SH2B3: variants seen among roughly 807,000 people sequenced by gnomAD.
SH2B3 encodes the protein SH2B adapter protein 3.
A neutral mutation model predicts 51.9 loss-of-function variants in SH2B3; 43 were observed. The observed-to-expected ratio is 0.83, with a 90% CI of 0.65 to 1.07. SH2B3 has a LOEUF of 1.07. Among genes scored for constraint, SH2B3 ranks in the 50% least tolerant of loss-of-function variants. The pLI is 0.00. For synonymous variants in SH2B3, 396 were observed against 376.0 expected, an observed-to-expected ratio of 1.05 and a Z score of -0.62; for missense variants, 952 against 834.3, an observed-to-expected ratio of 1.14 and a Z score of -1.74.
At position 111,449,561 on chromosome 12, in the gene SH2B3, C is replaced by T. The variant is rs563680575; in HGVS notation, c.*1259C>T. On this transcript the variant is annotated 3_prime_UTR_variant, in exon 8 of 8. Transcript: ENST00000341259. The stretch of plus-strand genomic sequence containing the variant: ...CCAGGGAGGTCCTGAAGTCAAATCT[C>T]TATCTATACAAGTGATACAATTCAT... The T allele has an allele frequency of 1.2e-4, 18 of 152,386 alleles. No homozygotes were observed. The highest frequency in any genetic ancestry group is 2.3e-4 in the Non-Finnish European group (16 of 68,100). The allele number at this position is 152,386 out of a possible 1,614,324, so 9.4% of individuals were successfully genotyped here.
rs1565970517 is a variant in SH2B3, at chr12:111,418,710, C to T, written c.565C>T (p.Arg189Trp). 1 of 1,485,240 alleles carries T rather than the reference C, an allele frequency of 6.7e-7. No homozygotes were observed. The highest frequency in any genetic ancestry group is 1.5e-5 in the African/African-American group (1 of 67,966). The allele number at this position is 1,485,240 out of a possible 1,614,324, so 92.0% of individuals were successfully genotyped here. A position where few individuals can be genotyped will look rare whatever the true frequency, so the allele number is the denominator to read the frequency against. ...AKKFLPWSLAREPPPEALKEA... is the reference protein window; with the variant it reads ...AKKFLPWSLAWEPPPEALKEA... ...GAAGTTCCTGCCCTGGAGCCTGGCCCGGGAGCCGCCACCCGAGGCGCTGAA... is the reference window on the plus strand; with the variant it reads ...GAAGTTCCTGCCCTGGAGCCTGGCCTGGGAGCCGCCACCCGAGGCGCTGAA... Residue 189 changes from arginine (R) to tryptophan (W), a missense_variant, in exon 2 of 8, where the codon CGG becomes TGG. Transcript: ENST00000341259. This position sits in a 1 kb window ranked among gnomAD's most constrained non-coding sequence, Gnocchi z 6.7.
chr12:111,418,638 AC>A lies in SH2B3; in HGVS notation c.498del (p.Gly167GlufsTer30), dbSNP rs1172763426. ...GGCCCACACCGCTGCCGCCCCCGGGACCCCCGGAGAGGCTGCTGAGACCCCC... is the reference window on the plus strand; with the variant it reads ...GGCCCACACCGCTGCCGCCCCCGGGACCCCGGAGAGGCTGCTGAGACCCCC... ...PAAHTAAAPG[T>X]PGEAAETPAR... On this transcript the variant is annotated frameshift_variant, in exon 2 of 8. Transcript: ENST00000341259. LOFTEE classifies it high-confidence loss of function. This position sits in a 1 kb window ranked among gnomAD's most constrained non-coding sequence, Gnocchi z 6.7. 4 of 1,470,888 alleles carry A rather than the reference AC, an allele frequency of 2.7e-6. No homozygotes were observed. Among genetic ancestry groups the A allele is most frequent in the Admixed American group, 4.8e-5 (2 of 41,584 alleles). 91.1% of individuals were successfully genotyped at this position (1,470,888 alleles called of 1,614,324 possible).
chr12:111,434,813 T>C, intron 2 of SH2B3: 1 of 1,508,940 alleles, frequency 6.6e-7, no homozygotes, highest in Non-Finnish European at 8.9e-7. Context: ...AGAGGCTGTG[T>C]GTCAAGGCCT....
chr12:111,447,082 CCT>C (rs1172875261), intron 4 of SH2B3, 41 bp from the exon 5 acceptor site: 1 of 1,608,674 alleles, frequency 6.2e-7, no homozygotes, highest in Non-Finnish European at 8.5e-7. Flanking sequence ...TGCTACCACC[CCT>C]GACCTGCCCA....
intron 1 of SH2B3, among the ~76,000 whole-genome samples, chr12:111,411,175 G>A (rs137877985): frequency 0.015 from 2,194 of 150,776 alleles, 59 homozygotes; most frequent in African/African-American, 0.052. Flanking sequence ...AAACCAGCCT[G>A]GGCAGCATAG....
At chr12:111,434,893 CAGA>C (rs1408252083) in intron 2 of SH2B3, 1 of 1,535,676 alleles carries the variant, frequency 6.5e-7, no homozygotes, top group South Asian at 1.2e-5. Flanking sequence ...GGGTGGAGCT[CAGA>C]AGGACATGGG....
At chr12:111,413,332 C>T (rs571606043) in intron 1 of SH2B3, among the ~76,000 whole-genome samples, 75 of 152,284 alleles carry the variant, frequency 4.9e-4, no homozygotes, top group Admixed American at 1.5e-3. Flanking sequence ...CCCAGGAGTT[C>T]GAGGCAGCAG....
intron 1 of SH2B3, among the ~76,000 whole-genome samples, chr12:111,411,193 C>G (rs1870667081): frequency 7.1e-6 from 1 of 141,230 alleles, no homozygotes; most frequent in Non-Finnish European, 1.5e-5. Context: ...TAGTGAGACC[C>G]TGTCTCTACC....
chr12:111,407,031 C>CCCCTTCCCT lies in SH2B3; in HGVS notation c.-28+768_-28+776dup, dbSNP rs1037305272. Among the ~76,000 whole-genome samples the CCCCTTCCCT allele has an allele frequency of 6.6e-6, 1 of 152,178 alleles. No homozygotes were observed. Among genetic ancestry groups the CCCCTTCCCT allele is most frequent in the Non-Finnish European group, 1.5e-5 (1 of 68,030 alleles). The stretch of plus-strand genomic sequence containing the variant: ...GGTCTCTGATGCCTGGTGCAGAAAT[C>CCCCTTCCCT]CCCTTCCCTCCCTTCCCTCCCTCCG... On this transcript the variant is annotated intron_variant, in intron 1 of 7. Transcript: ENST00000341259. This position sits in a 1 kb window ranked among gnomAD's most constrained non-coding sequence, Gnocchi z 4.3.
chr12:111,443,207 C>T (rs1374027223), intron 2 of SH2B3, among the ~76,000 whole-genome samples: 1 of 152,214 alleles, frequency 6.6e-6, no homozygotes, highest in Non-Finnish European at 1.5e-5. Context: ...GAGGGATCCT[C>T]AGGTAGGCGG....
At chr12:111,446,879 C>T (rs765461030) in intron 3 of SH2B3, 25 bp downstream of exon 3, 2 of 1,604,710 alleles carry the variant, frequency 1.2e-6, no homozygotes, top group Non-Finnish European at 1.7e-6. Context: ...TTTTCACACC[C>T]TGGGGCAATA....
intron 2 of SH2B3, among the ~76,000 whole-genome samples, chr12:111,427,388 GAA>G (rs557658468): frequency 2.4e-5 from 2 of 83,028 alleles, no homozygotes; most frequent in Middle Eastern, 6.1e-3. Context: ...TCCATCTCAG[GAA>G]AAAAAAAAAA....
chr12:111,417,472 A>ATTTATTTATTTATTTATTTG (rs1871174963), intron 1 of SH2B3, among the ~76,000 whole-genome samples: 1 of 151,146 alleles, frequency 6.6e-6, no homozygotes, highest in Admixed American at 6.6e-5. Context: ...TTATTTATTT[A>ATTTATTTATTTATTTATTTG]TTTATTTATT....
chr12:111,434,902 A>T, intron 2 of SH2B3: 2 of 1,535,674 alleles, frequency 1.3e-6, no homozygotes, highest in South Asian at 2.4e-5. Context: ...TCAGAAGGAC[A>T]TGGGATTCCC....
chr12:111,415,309 G>GGGGCCC (rs1440046177), intron 1 of SH2B3, among the ~76,000 whole-genome samples: 3 of 152,202 alleles, frequency 2.0e-5, no homozygotes, highest in Non-Finnish European at 2.9e-5. Flanking sequence ...GTCTCCAGCA[G>GGGGCCC]GGGCCCAGGC....
chr12:111,412,554 G>A (rs1870786635), intron 1 of SH2B3, among the ~76,000 whole-genome samples: 1 of 152,166 alleles, frequency 6.6e-6, no homozygotes, highest in African/African-American at 2.4e-5. Context: ...CCCATGCCAA[G>A]CACACTGCAG....
Position 111,447,563 on chromosome 12 carries a change from T to TGGGGG in SH2B3, c.1236+23_1236+24insGGGGG, listed in dbSNP as rs759614180. On this transcript the variant is annotated intron_variant, in intron 6 of 7. Transcript: ENST00000341259. ...AGCCAAGGTATGGGGTGGGGTGGGG[T>TGGGGG]GGGGTGGGGCAGGCAGGACCGTGCC... 3 of 183,960 alleles carry TGGGGG rather than the reference T, an allele frequency of 1.6e-5. No homozygotes were observed. Among genetic ancestry groups the TGGGGG allele is most frequent in the Non-Finnish European group, 3.2e-5 (3 of 94,550 alleles). The allele number at this position is 183,960 out of a possible 1,614,324, so 11.4% of individuals were successfully genotyped here. A position where few individuals can be genotyped will look rare whatever the true frequency, so the allele number is the denominator to read the frequency against.
rs1455870142 is a variant in SH2B3, at chr12:111,447,670, G to A, written c.1251G>A (p.Ser417=). The A allele has an allele frequency of 5.0e-6, 8 of 1,612,356 alleles. No homozygotes were observed. The highest frequency in any genetic ancestry group is 1.7e-5 in the Admixed American group (1 of 59,984). Residue 417 remains serine (S), a synonymous_variant, in exon 7 of 8, where the codon TCG becomes TCA. Coordinates refer to ENST00000341259, the MANE Select transcript of SH2B3 (RefSeq NM_005475.3). ...TCCTCCCACAGCACCTGCGCCTGTC[G>A]CTGACAGAGCGGGGCCAGTGCCGTG... ...FQGIAKHLRL[S]LTERGQCRVQ...
chr12:111,418,021 C>T lies in SH2B3; in HGVS notation c.-27-98C>T. On this transcript the variant is annotated intron_variant, in intron 1 of 7. Coordinates refer to ENST00000341259, the MANE Select transcript of SH2B3 (RefSeq NM_005475.3). The surrounding 1 kb of genome is among the most constrained non-coding windows in gnomAD (Gnocchi z 6.7). ...TCACCAGCACTGGGTGTTATGGTCG[C>T]GTTGGATTTCTGCTGTGGTGCCCGG... The T allele has an allele frequency of 4.6e-6, 4 of 873,476 alleles. No homozygotes were observed. The highest frequency in any genetic ancestry group is 5.0e-6 in the Non-Finnish European group (3 of 595,094). The allele number at this position is 873,476 out of a possible 1,614,324, so 54.1% of individuals were successfully genotyped here.
Sources: gnomAD v4.1 joint callset for allele counts (sites outside exome capture counted in the v4.1 genomes callset) on GRCh38, gnomAD v4.1.1 for gene constraint, Gnocchi (gnomAD v3.1) non-coding constraint, MANE v1.5 for transcripts, NCBI Gene and HGNC (gene_info 2026-07-23, HGNC 2026-07-21) for gene names.